GLRA3: variants seen among roughly 807,000 people sequenced by gnomAD.
The protein encoded by GLRA3 is glycine receptor alpha 3.
A neutral mutation model predicts 60.4 loss-of-function variants in GLRA3; 44 were observed. That is an observed-to-expected ratio of 0.73 (90% confidence interval 0.57 to 0.94). GLRA3 has a LOEUF of 0.94. Ranked by LOEUF, GLRA3 falls within the 40% of genes least tolerant of loss-of-function variation. The pLI is 0.00. For missense variants in GLRA3, 508 were observed against 564.6 expected, an observed-to-expected ratio of 0.90 and a Z score of 1.02; for synonymous variants, 223 against 192.9, an observed-to-expected ratio of 1.16 and a Z score of -1.29.
intron 2 of GLRA3, among the ~76,000 whole-genome samples, chr4:174,785,014 T>C (rs1263808571): frequency 1.3e-5 from 2 of 152,172 alleles, no homozygotes; most frequent in African/African-American, 2.4e-5. Context: ...CAGTATTGAT[T>C]TAAATAATGT....
At chr4:174,693,627 A>C (rs1423999918) in intron 5 of GLRA3, among the ~76,000 whole-genome samples, 2 of 152,188 alleles carry the variant, frequency 1.3e-5, no homozygotes, top group Non-Finnish European at 2.9e-5. Context: ...TGCCTTGGCT[A>C]TTCAGGCTCC....
At chr4:174,802,799 T>C (rs1050737250) in intron 1 of GLRA3, among the ~76,000 whole-genome samples, 4 of 152,084 alleles carry the variant, frequency 2.6e-5, no homozygotes, top group Non-Finnish European at 4.4e-5. Flanking sequence ...AGTCTGAAAA[T>C]TGTCATTTAA....
chr4:174,769,401 T>C (rs1373978332), intron 2 of GLRA3, among the ~76,000 whole-genome samples: 3 of 152,132 alleles, frequency 2.0e-5, no homozygotes, highest in Non-Finnish European at 4.4e-5. Context: ...ATGCTTACTT[T>C]TTCCTTTCCT....
chr4:174,813,603 T>A (rs1272086060), intron 1 of GLRA3, among the ~76,000 whole-genome samples: 1 of 152,230 alleles, frequency 6.6e-6, no homozygotes, highest in Non-Finnish European at 1.5e-5. Context: ...TTCAAAGATA[T>A]AATTGTGCAT....
intron 1 of GLRA3, among the ~76,000 whole-genome samples, chr4:174,802,546 C>T (rs4695791): frequency 0.27 from 41,262 of 151,846 alleles, 6,075 homozygotes; most frequent in Non-Finnish European, 0.32. Context: ...TATAGACCTC[C>T]AATTTTAGTC....
intron 5 of GLRA3, among the ~76,000 whole-genome samples, chr4:174,693,732 C>G (rs754478971): frequency 2.0e-5 from 3 of 151,926 alleles, no homozygotes; most frequent in African/African-American, 7.3e-5. Context: ...ATCTGTAAAT[C>G]GCTTTGGGCT....
At chr4:174,813,124 T>A (rs1560814710) in intron 1 of GLRA3, among the ~76,000 whole-genome samples, 1 of 152,176 alleles carries the variant, frequency 6.6e-6, no homozygotes, top group Non-Finnish European at 1.5e-5. Context: ...TATAGAAGAA[T>A]TTTTTAAAAG....
chr4:174,710,174 T>C (rs989055672), intron 5 of GLRA3, among the ~76,000 whole-genome samples: 2 of 152,032 alleles, frequency 1.3e-5, no homozygotes, highest in South Asian at 4.1e-4. Context: ...TTCTATGCTA[T>C]CTCCAGAAAT....
chr4:174,752,970 C>A (rs887479656), intron 3 of GLRA3, among the ~76,000 whole-genome samples: 1 of 152,064 alleles, frequency 6.6e-6, no homozygotes, highest in Non-Finnish European at 1.5e-5. Context: ...TTCATGTTCT[C>A]CATAGAACAA....
In GLRA3 at chr4:174,724,322, T is replaced by C. The variant is rs190211512; in HGVS notation, c.491+4153A>G. 4.8e-4 allele frequency among the ~76,000 whole-genome samples: 73 copies of C among 152,118 alleles called. 1 individual carries two copies. The Middle Eastern group carries it at 0.02, about 43-fold the overall frequency. Reference sequence around the variant, plus strand: ...CATATGTAATTTAGATTCCTAGAAATAGAAATGCTGAATTGAAGGATAAAT... The same window carrying C: ...CATATGTAATTTAGATTCCTAGAAACAGAAATGCTGAATTGAAGGATAAAT... On this transcript the variant is annotated intron_variant, in intron 4 of 9. Transcript: ENST00000274093.
chr4:174,821,787 T>C (rs575777584), intron 1 of GLRA3, among the ~76,000 whole-genome samples: 1 of 152,298 alleles, frequency 6.6e-6, no homozygotes, highest in East Asian at 1.9e-4. Flanking sequence ...CCAATTTGTA[T>C]CTGTTTTACA....
At position 174,647,195 on chromosome 4, in the gene GLRA3, G is replaced by A. The variant is rs568199878; in HGVS notation, c.1117-3131C>T. Among the ~76,000 whole-genome samples the A allele has an allele frequency of 9.4e-4, 143 of 152,104 alleles. 1 individual carries two copies. The highest frequency in any genetic ancestry group is 6.8e-3 in the Middle Eastern group (2 of 294). On this transcript the variant is annotated intron_variant, in intron 9 of 9. Coordinates refer to ENST00000274093, the MANE Select transcript of GLRA3 (RefSeq NM_006529.4). The stretch of plus-strand genomic sequence containing the variant: ...GCCAAGGCAGGTGGATTGCTTGAGC[G>A]CAGGAGTTGGGGACCAGCCTGGCCA...
At chr4:174,693,928 G>C (rs957988145) in intron 5 of GLRA3, among the ~76,000 whole-genome samples, 2 of 152,044 alleles carry the variant, frequency 1.3e-5, no homozygotes, top group African/African-American at 4.8e-5. Flanking sequence ...AAAAGCAAGG[G>C]TTGCAATCCT....
At chr4:174,783,474 CT>C (rs2111287262) in intron 2 of GLRA3, among the ~76,000 whole-genome samples, 1 of 136,656 alleles carries the variant, frequency 7.3e-6, no homozygotes, top group Non-Finnish European at 1.6e-5. Context: ...CAAATGGGAC[CT>C]AATTAAACTA....
At position 174,642,864 on chromosome 4, in the gene GLRA3, T is replaced by C. The variant is rs1211382832; in HGVS notation, c.*922A>G. Reference sequence around the variant, plus strand: ...CATTTTTATCAAAATGTAAATACTTTAATCCCATTGAATTTTAAAGTCACA... The same window carrying C: ...CATTTTTATCAAAATGTAAATACTTCAATCCCATTGAATTTTAAAGTCACA... On this transcript the variant is annotated 3_prime_UTR_variant, in exon 10 of 10. Coordinates refer to ENST00000274093, the MANE Select transcript of GLRA3 (RefSeq NM_006529.4). 4.2e-6 allele frequency: 3 copies of C among 708,532 alleles called. No homozygotes were observed. The highest frequency in any genetic ancestry group is 5.2e-6 in the Non-Finnish European group (3 of 578,778). 43.9% of individuals were successfully genotyped at this position (708,532 alleles called of 1,614,324 possible). A position where few individuals can be genotyped will look rare whatever the true frequency, so the allele number is the denominator to read the frequency against.
chr4:174,804,002 T>C (rs1275101206), intron 1 of GLRA3, among the ~76,000 whole-genome samples: 1 of 152,152 alleles, frequency 6.6e-6, no homozygotes, highest in Non-Finnish European at 1.5e-5. Context: ...TGACATTTGG[T>C]TTTTTATAGC....
intron 2 of GLRA3, 66 bp downstream of exon 2, chr4:174,788,750 T>C: frequency 9.3e-7 from 1 of 1,080,342 alleles, no homozygotes; most frequent in Middle Eastern, 2.2e-4. Flanking sequence ...GTGGAATTAA[T>C]TTAAAACTGT....
intron 1 of GLRA3, among the ~76,000 whole-genome samples, chr4:174,808,830 T>C (rs1430552585): frequency 6.6e-6 from 1 of 152,160 alleles, no homozygotes; most frequent in African/African-American, 2.4e-5. Flanking sequence ...CAAAAGCTTA[T>C]AGAATAAAGA....
intron 2 of GLRA3, among the ~76,000 whole-genome samples, chr4:174,786,380 A>G (rs1318213986): frequency 6.6e-6 from 1 of 152,012 alleles, no homozygotes; most frequent in East Asian, 1.9e-4. Context: ...ATGTTTGATG[A>G]GCTTATTTTT....
Sources: gnomAD v4.1 joint callset for allele counts (sites outside exome capture counted in the v4.1 genomes callset) on GRCh38, gnomAD v4.1.1 for gene constraint, MANE v1.5 for transcripts, NCBI Gene and HGNC (gene_info 2026-07-23, HGNC 2026-07-21) for gene names.